Variants in SLC10A1 observed in about 807,000 individuals in gnomAD.
SLC10A1 encodes solute carrier family 10 member 1.
SLC10A1 carries 36 observed loss-of-function variants against 20.5 expected under a neutral mutation model. The observed-to-expected ratio is 1.75, with a 90% confidence interval of 1.34 to 2.32. The LOEUF (loss-of-function observed/expected upper bound fraction) is 2.32, where lower values mean the gene tolerates loss of function less well. SLC10A1 is among the 30% of genes most tolerant of loss of function. The pLI is 0.00. For synonymous variants in SLC10A1, 188 were observed against 163.6 expected (o/e 1.15, Z -1.14); for missense variants, 545 against 439.1 (o/e 1.24, Z -2.16).
chr14:69,779,305 A>G lies in SLC10A1; in HGVS notation c.623T>C (p.Ile208Thr), dbSNP rs779774188. 1.2e-6 allele frequency: 2 copies of G among 1,614,036 alleles called. No individual in the cohort carries two copies. Among genetic ancestry groups the G allele is most frequent in the Non-Finnish European group, 8.5e-7 (1 of 1,179,932 alleles). The change falls in exon 3 of 5, where the codon ATC (isoleucine) becomes ACC (threonine). Residue 208 changes from isoleucine to threonine, a missense_variant. Ile to Thr is a moderately conservative substitution (Grantham distance 89). Transcript: ENST00000216540. ...AAACATGATGCTCTTCCCCACATTG[A>G]TGGCAGAGAGAACTGTGACGGCCAC... is the stretch of plus-strand genomic sequence containing the variant. Reference protein sequence around the residue: ...CSVAVTVLSAINVGKSIMFAM... With the variant: ...CSVAVTVLSATNVGKSIMFAM...
At position 69,797,011 on chromosome 14, in the gene SLC10A1, T is replaced by C; in HGVS notation, c.145A>G (p.Ser49Gly). The change falls in exon 1 of 5, where the codon AGC becomes GGC. Residue 49 changes from serine (S) to glycine (G), a missense_variant. Transcript: ENST00000216540. ...TTCCATAAGTGAGCCTTGATCTTGC[T>C]GAACTCCATGGTGCAGCCCAGCGAG... The part of the protein sequence containing the change: ...MLSLGCTMEF[S>G]KIKAHLWKPK... 1 of 1,614,250 alleles carries C rather than the reference T, an allele frequency of 6.2e-7. No individual in the cohort carries two copies. The highest frequency in any genetic ancestry group is 8.5e-7 in the Non-Finnish European group (1 of 1,180,046).
At chr14:69,780,918 G>A (rs1883576649) in intron 2 of SLC10A1, among the ~76,000 whole-genome samples, 1 of 152,194 alleles carries the variant, frequency 6.6e-6, no homozygotes, top group African/African-American at 2.4e-5. Flanking sequence ...GAGACATTGA[G>A]TTACAGGAAT....
chr14:69,778,457 G>C lies in SLC10A1; in HGVS notation c.819C>G (p.Ala273=). The C allele has an allele frequency of 6.2e-7, 1 of 1,614,012 alleles. No individual in the cohort carries two copies. Among genetic ancestry groups the C allele is most frequent in the Admixed American group, 1.7e-5 (1 of 60,002 alleles). Residue 273 remains alanine (A), a synonymous_variant, in exon 4 of 5, where the codon GCC becomes GCG. Coordinates refer to ENST00000216540, the MANE Select transcript of SLC10A1 (RefSeq NM_003049.4). ...VQLCSTILNV[A]FPPEVIGPLF... ...GTGGTCCAATGACTTCAGGTGGAAA[G>C]GCCACATTGAGGATGGTGGAACAGA...
intron 1 of SLC10A1, among the ~76,000 whole-genome samples, chr14:69,793,345 G>A (rs1882319905): frequency 1.3e-5 from 2 of 152,248 alleles, no homozygotes; most frequent in East Asian, 1.9e-4. Flanking sequence ...GACAGGGACG[G>A]GCAAGGACTT....
At chr14:69,777,963 G>A (rs1178742557) in intron 4 of SLC10A1, among the ~76,000 whole-genome samples, 4 of 152,016 alleles carry the variant, frequency 2.6e-5, no homozygotes, top group African/African-American at 7.2e-5. Context: ...CTAGTCCTGA[G>A]AAATGGAAAC....
At chr14:69,782,500 C>A (rs1048957190) in intron 2 of SLC10A1, among the ~76,000 whole-genome samples, 3 of 152,162 alleles carry the variant, frequency 2.0e-5, no homozygotes, top group Non-Finnish European at 4.4e-5. Context: ...TTAAAGGCTT[C>A]TCCAGCTTTA....
intron 1 of SLC10A1, among the ~76,000 whole-genome samples, chr14:69,794,208 G>T (rs1882341442): frequency 6.6e-6 from 1 of 152,068 alleles, no homozygotes; most frequent in South Asian, 2.1e-4. Flanking sequence ...TGTATTGTTT[G>T]GTTTGCACAT....
At position 69,779,685 on chromosome 14, in the gene SLC10A1, CAGT is replaced by C. The variant is rs538955683; in HGVS notation, c.568-328_568-326del. Among the ~76,000 whole-genome samples the C allele has an allele frequency of 2.8e-4, 43 of 152,234 alleles. 1 individual carries two copies. Among genetic ancestry groups the C allele is most frequent in the African/African-American group, 7.9e-4 (33 of 41,536 alleles). On this transcript the variant is annotated intron_variant, in intron 2 of 4. Coordinates refer to ENST00000216540, the MANE Select transcript of SLC10A1 (RefSeq NM_003049.4). The stretch of plus-strand genomic sequence containing the variant: ...CAGCCCATCTTTTTAGATTTCGTAT[CAGT>C]AGCTAGGAAGCTTGGGGACAGCTGA...
rs201763212 is a variant in SLC10A1, at chr14:69,797,100, C to A, written c.56G>T (p.Gly19Val). The change falls in exon 1 of 5, where the codon GGC (glycine) becomes GTC (valine). Residue 19 changes from glycine (G) to valine (V), a missense_variant. Physicochemically the swap from Gly to Val is moderately radical, Grantham distance 109 (BLOSUM62 -3). Coordinates refer to ENST00000216540, the MANE Select transcript of SLC10A1 (RefSeq NM_003049.4). Reference sequence around the variant, plus strand: ...CAGTGCCAGGTCTGTGGGGCGCTTGCCAAAGTTGGGTGGCAGGGTGAAGTT... The same window carrying A: ...CAGTGCCAGGTCTGTGGGGCGCTTGACAAAGTTGGGTGGCAGGGTGAAGTT... ...PFNFTLPPNF[G>V]KRPTDLALSV... The A allele has an allele frequency of 7.4e-6, 12 of 1,614,010 alleles. No individual in the cohort carries two copies. Among genetic ancestry groups the A allele is most frequent in the Non-Finnish European group, 1.0e-5 (12 of 1,179,990 alleles).
intron 1 of SLC10A1, among the ~76,000 whole-genome samples, chr14:69,790,149 C>T (rs954923207): frequency 2.0e-5 from 3 of 151,782 alleles, no homozygotes; most frequent in Non-Finnish European, 2.9e-5. Flanking sequence ...AATATGAAGC[C>T]GAAAACCTGA....
chr14:69,793,362 ACT>A (rs1406612598), intron 1 of SLC10A1, among the ~76,000 whole-genome samples: 1 of 151,422 alleles, frequency 6.6e-6, no homozygotes, highest in African/African-American at 2.4e-5. Context: ...ACTTTTTCAG[ACT>A]CTAGATTCCT....
intron 2 of SLC10A1, among the ~76,000 whole-genome samples, chr14:69,784,761 A>G (rs373075581): frequency 7.6e-6 from 1 of 131,952 alleles, no homozygotes; most frequent in East Asian, 2.0e-4. Context: ...GGCATAATCA[A>G]TAAAAGGAGG....
chr14:69,775,669 CATG>C lies in SLC10A1; in HGVS notation c.*610_*612del, dbSNP rs951474105. 1.2e-4 allele frequency: 19 copies of C among 152,394 alleles called. No individual in the cohort carries two copies. Among genetic ancestry groups the C allele is most frequent in the African/African-American group, 4.3e-4 (18 of 41,570 alleles). The allele number at this position is 152,394 out of a possible 1,614,324, so 9.4% of individuals were successfully genotyped here. On this transcript the variant is annotated 3_prime_UTR_variant, in exon 5 of 5. Coordinates refer to ENST00000216540, the MANE Select transcript of SLC10A1 (RefSeq NM_003049.4). The stretch of plus-strand genomic sequence containing the variant: ...GTCAAAAGTTTTCCTCCTCTACTAA[CATG>C]ATGCATTCGCCCAGTTTTTTCATTT...
At chr14:69,778,595 G>T in intron 3 of SLC10A1, 66 bp from the exon 4 acceptor site, 2 of 1,381,894 alleles carry the variant, frequency 1.4e-6, no homozygotes, top group South Asian at 1.5e-5. Flanking sequence ...TTGTCCCAGT[G>T]CTGCTACCAA....
intron 1 of SLC10A1, among the ~76,000 whole-genome samples, chr14:69,787,696 C>G (rs773799809): frequency 6.6e-6 from 1 of 152,182 alleles, no homozygotes; most frequent in African/African-American, 2.4e-5. Flanking sequence ...CCCCCACCCC[C>G]GTGAACACTT....
At chr14:69,794,940 C>T (rs1040414746) in intron 1 of SLC10A1, among the ~76,000 whole-genome samples, 3 of 152,154 alleles carry the variant, frequency 2.0e-5, no homozygotes, top group Non-Finnish European at 4.4e-5. Flanking sequence ...TGGCCACTGG[C>T]GATGGGGCTG....
intron 1 of SLC10A1, among the ~76,000 whole-genome samples, chr14:69,789,080 A>G (rs891415097): frequency 5.3e-5 from 8 of 152,122 alleles, no homozygotes; most frequent in Admixed American, 3.3e-4. Context: ...GTTGGAGGGT[A>G]TATGGAAAAT....
At chr14:69,793,405 G>T (rs1031194951) in intron 1 of SLC10A1, among the ~76,000 whole-genome samples, 1 of 152,038 alleles carries the variant, frequency 6.6e-6, no homozygotes, top group Admixed American at 6.5e-5. Context: ...CTTTCAGGGG[G>T]AAAGGGGCAC....
chr14:69,787,854 A>G (rs534636663), intron 1 of SLC10A1, among the ~76,000 whole-genome samples: 2 of 152,016 alleles, frequency 1.3e-5, no homozygotes, highest in African/African-American at 4.8e-5. Flanking sequence ...ACAAAGTAAG[A>G]CCCCTGTCTC....
Sources: allele counts gnomAD v4.1 joint callset (sites outside exome capture counted in the v4.1 genomes callset), GRCh38; gene constraint gnomAD v4.1.1; transcripts MANE v1.5; gene names NCBI Gene and HGNC (gene_info 2026-07-23, HGNC 2026-07-21).